Variants in OIP5 observed in about 807,000 individuals in gnomAD.
OIP5 encodes protein Mis18-beta.
OIP5 carries 24 observed loss-of-function variants against 20.3 expected under a neutral mutation model. That is an observed-to-expected ratio of 1.18 (90% CI 0.86 to 1.66). OIP5 has a LOEUF of 1.66. Ranked by LOEUF, OIP5 falls within the 40% of genes most tolerant of loss-of-function variation. OIP5 has a pLI of 0.00. For missense variants in OIP5, 339 were observed against 289.5 expected (o/e 1.17, Z -1.24); for synonymous variants, 143 against 121.3 (o/e 1.18, Z -1.17).
intron 4 of OIP5, among the ~76,000 whole-genome samples, chr15:41,311,754 A>T (rs944477937): frequency 6.6e-6 from 1 of 151,914 alleles, no homozygotes; most frequent in Non-Finnish European, 1.5e-5. Context: ...TTCTAGTTTT[A>T]GTAGAGACGG....
chr15:41,316,654 G>T (rs574162935), intron 3 of OIP5, among the ~76,000 whole-genome samples: 1 of 151,826 alleles, frequency 6.6e-6, no homozygotes, highest in African/African-American at 2.4e-5. Flanking sequence ...GCCAAGCGTG[G>T]TGGTGGGCGC....
chr15:41,311,529 C>G (rs1050619237), intron 4 of OIP5, among the ~76,000 whole-genome samples: 1 of 152,162 alleles, frequency 6.6e-6, no homozygotes, highest in Non-Finnish European at 1.5e-5. Flanking sequence ...ATCCATGGAA[C>G]TCCTCATACT....
intron 2 of OIP5, among the ~76,000 whole-genome samples, chr15:41,330,111 A>G (rs984380164): frequency 1.3e-5 from 2 of 151,612 alleles, no homozygotes; most frequent in Non-Finnish European, 2.9e-5. Context: ...TTTTTTTAAG[A>G]CAGAGTTTCG....
intron 3 of OIP5, among the ~76,000 whole-genome samples, chr15:41,318,108 A>G (rs2047799182): frequency 1.3e-5 from 2 of 152,178 alleles, no homozygotes; most frequent in Admixed American, 6.5e-5. Context: ...AAAGGTATCT[A>G]CTGCAACATT....
In OIP5 at chr15:41,319,686, A is replaced by T. The variant is rs1286216181; in HGVS notation, c.484T>A (p.Phe162Ile). The change falls in exon 3 of 5, where the codon TTC becomes ATC. Residue 162 changes from phenylalanine (F) to isoleucine (I), a missense_variant. Physicochemically the swap from Phe to Ile is conservative, Grantham distance 21. Coordinates refer to ENST00000220514, the MANE Select transcript of OIP5 (RefSeq NM_007280.2). ...HAALAALRGH[F>I]CLSSDKMVCY... ...ACCATTTTGTCACTGGAAAGGCAGA[A>T]GTGACCTCTCAAGGCAGCCAGGGCA... 1 of 1,613,956 alleles carries T rather than the reference A, an allele frequency of 6.2e-7. No individual in the cohort carries two copies. The highest frequency in any genetic ancestry group is 2.2e-5 in the East Asian group (1 of 44,876).
At chr15:41,322,673 G>A (rs111573424) in intron 2 of OIP5, among the ~76,000 whole-genome samples, 12,810 of 152,094 alleles carry the variant, frequency 0.084, 685 homozygotes, top group East Asian at 0.16. Flanking sequence ...GATGGCTCAC[G>A]CCTGTAATCC....
intron 2 of OIP5, among the ~76,000 whole-genome samples, chr15:41,321,230 G>GCCCCGT (rs2047823895): frequency 6.7e-6 from 1 of 148,206 alleles, no homozygotes; most frequent in African/African-American, 2.5e-5. Context: ...CCGGCCAGCC[G>GCCCCGT]CCCCGTCCGG....
intron 2 of OIP5, among the ~76,000 whole-genome samples, chr15:41,321,238 C>T (rs1428351086): frequency 8.1e-5 from 12 of 148,748 alleles, no homozygotes; most frequent in Non-Finnish European, 1.5e-4. Flanking sequence ...CCGCCCCGTC[C>T]GGGAGGGAGG....
At position 41,321,272 on chromosome 15, in the gene OIP5, G is replaced by A. The variant is rs570292798; in HGVS notation, c.390-1492C>T. On this transcript the variant is annotated intron_variant, in intron 2 of 4. Coordinates refer to ENST00000220514, the MANE Select transcript of OIP5 (RefSeq NM_007280.2). ...GGTGGGGTGGTCCAGCCCCCCGCCC[G>A]GCCAGCCGTCCCGTCCTGGAGGGAG... Among the ~76,000 whole-genome samples, 1,201 of 146,514 alleles carry A rather than the reference G, an allele frequency of 8.2e-3. 33 individuals are homozygous for A. The highest frequency in any genetic ancestry group is 0.029 in the African/African-American group (1,144 of 39,548).
intron 2 of OIP5, among the ~76,000 whole-genome samples, chr15:41,329,543 C>T (rs28617619): frequency 0.21 from 32,197 of 151,626 alleles, 3,694 homozygotes; most frequent in Non-Finnish European, 0.25. Context: ...CCCGAACTCC[C>T]GACCTTGTGA....
Position 41,315,229 on chromosome 15 carries a change from A to G in OIP5, c.513-1875T>C, listed in dbSNP as rs555100705. On this transcript the variant is annotated intron_variant, in intron 3 of 4. Coordinates refer to ENST00000220514, the MANE Select transcript of OIP5 (RefSeq NM_007280.2). The stretch of plus-strand genomic sequence containing the variant: ...GGGATCACCTGAGGTCAGGAGTTTG[A>G]GACCAGCCTGGCAAACATGGTAAAA... Among the ~76,000 whole-genome samples, 5 of 152,070 alleles carry G rather than the reference A, an allele frequency of 3.3e-5. No individual in the cohort carries two copies. The East Asian group carries it at 9.7e-4, about 29-fold the overall frequency.
intron 3 of OIP5, 34 bp from the exon 4 acceptor site, chr15:41,313,388 A>T (rs779235499): frequency 8.5e-7 from 1 of 1,182,686 alleles, no homozygotes; most frequent in Non-Finnish European, 1.2e-6. Flanking sequence ...TTAGTGTCAT[A>T]CCATGGTTAA....
chr15:41,320,455 T>G (rs1176295107), intron 2 of OIP5, among the ~76,000 whole-genome samples: 4 of 152,206 alleles, frequency 2.6e-5, no homozygotes, highest in Non-Finnish European at 5.9e-5. Context: ...TTTTCATATT[T>G]TTTTGGTGGA....
At chr15:41,320,792 A>T (rs1223736763) in intron 2 of OIP5, among the ~76,000 whole-genome samples, 13 of 147,324 alleles carry the variant, frequency 8.8e-5, no homozygotes, top group African/African-American at 3.1e-4. Context: ...CAGTCTGGAA[A>T]GTGAGGAGCG....
At position 41,309,712 on chromosome 15, in the gene OIP5, A is replaced by T; in HGVS notation, c.*42T>A. 7.7e-7 allele frequency: 1 copy of T among 1,301,736 alleles called. No individual in the cohort carries two copies. Among genetic ancestry groups the T allele is most frequent in the Non-Finnish European group, 1.1e-6 (1 of 907,982 alleles). 80.6% of individuals were successfully genotyped at this position (1,301,736 alleles called of 1,614,324 possible). A position where few individuals can be genotyped will look rare whatever the true frequency, so the allele number is the denominator to read the frequency against. ...CTAAGCAGCACCTGTTGTTGAAGAC[A>T]GCAATAAAGCCTGAACCTGACACTC... On this transcript the variant is annotated 3_prime_UTR_variant, in exon 5 of 5. Coordinates refer to ENST00000220514, the MANE Select transcript of OIP5 (RefSeq NM_007280.2).
intron 3 of OIP5, among the ~76,000 whole-genome samples, chr15:41,314,654 CAG>C (rs1255903814): frequency 1.4e-5 from 2 of 146,580 alleles, no homozygotes; most frequent in African/African-American, 2.5e-5. Flanking sequence ...TTTTTTGAGA[CAG>C]AGTCTTACTC....
intron 2 of OIP5, among the ~76,000 whole-genome samples, chr15:41,322,829 G>C (rs1212686956): frequency 2.0e-5 from 3 of 152,058 alleles, no homozygotes; most frequent in African/African-American, 7.2e-5. Context: ...CAGCTACTTA[G>C]GAGGGTGAGG....
chr15:41,326,363 AAAG>A (rs1449144148), intron 2 of OIP5, among the ~76,000 whole-genome samples: 2 of 152,202 alleles, frequency 1.3e-5, no homozygotes, highest in Non-Finnish European at 2.9e-5. Context: ...TAGAAGAAAA[AAAG>A]AACTTCATTC....
intron 2 of OIP5, among the ~76,000 whole-genome samples, chr15:41,330,843 AGCACGG>A (rs752668032): frequency 2.8e-4 from 42 of 152,240 alleles, no homozygotes; most frequent in Non-Finnish European, 4.4e-4. Context: ...AGTATAGGAC[AGCACGG>A]GTCTAGATTC....
Sources: allele counts gnomAD v4.1 joint callset (sites outside exome capture counted in the v4.1 genomes callset), GRCh38; gene constraint gnomAD v4.1.1; transcripts MANE v1.5; gene names NCBI Gene and HGNC (gene_info 2026-07-23, HGNC 2026-07-21).